The following CCBE1 variants were observed in gnomAD, a reference collection of about 807,000 sequenced individuals.
CCBE1 encodes collagen and calcium-binding EGF domain-containing protein 1.
CCBE1 carries 37 observed loss-of-function variants against 50.0 expected under a neutral mutation model. That is an observed-to-expected ratio of 0.74 (90% confidence interval 0.57 to 0.97). The LOEUF (loss-of-function observed/expected upper bound fraction) is 0.97, where lower values mean the gene tolerates loss of function less well. Among genes scored for constraint, CCBE1 ranks in the 50% least tolerant of loss-of-function variants. The pLI is 0.00. For synonymous variants in CCBE1, 234 were observed against 203.7 expected (o/e 1.15, Z -1.27); for missense variants, 538 against 523.8 (o/e 1.03, Z -0.26).
chr18:59,634,605 A>G lies in CCBE1; in HGVS notation c.212+62024T>C, dbSNP rs151076567. On this transcript the variant is annotated intron_variant, in intron 2 of 10. Transcript: ENST00000439986. ...GAGTTGGTAAAAACAAGAAATAGCA[A>G]AAGAGAGAAATAGCATACCCAAGGA... Among the ~76,000 whole-genome samples the G allele has an allele frequency of 2.9e-3, 438 of 152,368 alleles. 2 individuals carry two copies. The highest frequency in any genetic ancestry group is 1.0e-2 in the African/African-American group (414 of 41,586).
intron 2 of CCBE1, among the ~76,000 whole-genome samples, chr18:59,572,483 T>C (rs1348028968): frequency 6.6e-6 from 1 of 152,240 alleles, no homozygotes; most frequent in African/African-American, 2.4e-5. Context: ...GAGATTGATA[T>C]GATCATGCTT....
chr18:59,547,103 G>A (rs1422785019), intron 2 of CCBE1, among the ~76,000 whole-genome samples: 2 of 147,118 alleles, frequency 1.4e-5, no homozygotes, highest in Non-Finnish European at 3.0e-5. Flanking sequence ...GGGAGGTAGG[G>A]AGAGGGAGGG....
intron 2 of CCBE1, among the ~76,000 whole-genome samples, chr18:59,493,793 C>G (rs1040284463): frequency 6.6e-6 from 1 of 152,160 alleles, no homozygotes; most frequent in African/African-American, 2.4e-5. Context: ...ATTGCATCTC[C>G]CACAATTCCC....
intron 2 of CCBE1, among the ~76,000 whole-genome samples, chr18:59,636,553 CA>C (rs1335453532): frequency 1.3e-5 from 2 of 152,192 alleles, no homozygotes; most frequent in Non-Finnish European, 2.9e-5. Context: ...GTCACAAACA[CA>C]AAGGAAACCT....
chr18:59,610,381 T>A (rs1023209391), intron 2 of CCBE1, among the ~76,000 whole-genome samples: 1 of 152,154 alleles, frequency 6.6e-6, no homozygotes, highest in Non-Finnish European at 1.5e-5. Context: ...CCATTTAACA[T>A]CATTCTAGGC....
chr18:59,494,886 G>A (rs563050423), intron 2 of CCBE1, among the ~76,000 whole-genome samples: 4 of 152,312 alleles, frequency 2.6e-5, no homozygotes, highest in African/African-American at 7.2e-5. Context: ...AGGTGCTGTG[G>A]CTCACGCCTG....
intron 2 of CCBE1, among the ~76,000 whole-genome samples, chr18:59,653,916 AT>A (rs1367007216): frequency 2.0e-5 from 3 of 152,202 alleles, no homozygotes; most frequent in African/African-American, 7.2e-5. Flanking sequence ...ATAAGCAAAA[AT>A]GTTGGATTAA....
At chr18:59,634,486 G>C (rs1420659075) in intron 2 of CCBE1, among the ~76,000 whole-genome samples, 1 of 152,210 alleles carries the variant, frequency 6.6e-6, no homozygotes, top group African/African-American at 2.4e-5. Flanking sequence ...CTGCTCTCAA[G>C]CCAGGGCCTT....
chr18:59,584,710 C>T (rs1217020218), intron 2 of CCBE1, among the ~76,000 whole-genome samples: 1 of 152,090 alleles, frequency 6.6e-6, no homozygotes, highest in East Asian at 1.9e-4. Flanking sequence ...TGCCTGTTCC[C>T]CCTTCACCTT....
chr18:59,627,803 A>C (rs181317523), intron 2 of CCBE1, among the ~76,000 whole-genome samples: 172 of 152,318 alleles, frequency 1.1e-3, no homozygotes, highest in African/African-American at 4.0e-3. Context: ...AACCTTCAGA[A>C]CTATGAGGAT....
chr18:59,507,228 G>C (rs1171494572), intron 2 of CCBE1, among the ~76,000 whole-genome samples: 2 of 152,128 alleles, frequency 1.3e-5, no homozygotes, highest in East Asian at 3.8e-4. Flanking sequence ...CCAGGATTCA[G>C]CCCTCCATTT....
intron 2 of CCBE1, among the ~76,000 whole-genome samples, chr18:59,652,230 AC>A (rs1450954495): frequency 2.0e-5 from 3 of 152,218 alleles, no homozygotes; most frequent in Admixed American, 2.0e-4. Context: ...CATTTCACTT[AC>A]ATACTACACC....
intron 5 of CCBE1, among the ~76,000 whole-genome samples, chr18:59,458,907 C>G (rs1162820290): frequency 6.6e-6 from 1 of 152,190 alleles, no homozygotes; most frequent in East Asian, 1.9e-4. Context: ...AAGTACACAG[C>G]ATGGTAGTAA....
intron 2 of CCBE1, among the ~76,000 whole-genome samples, chr18:59,515,519 A>C (rs1214245522): frequency 6.6e-6 from 1 of 152,210 alleles, no homozygotes; most frequent in Non-Finnish European, 1.5e-5. Flanking sequence ...TGAGACCTGA[A>C]ACGCACGATA....
At chr18:59,480,081 A>C in intron 3 of CCBE1, 105 bp downstream of exon 3, 1 of 806,996 alleles carries the variant, frequency 1.2e-6, no homozygotes. Flanking sequence ...ATACACAGAT[A>C]ATCAGACACA....
chr18:59,445,652 T>C (rs1910636526), intron 7 of CCBE1, among the ~76,000 whole-genome samples: 1 of 152,200 alleles, frequency 6.6e-6, no homozygotes, highest in Admixed American at 6.5e-5. Flanking sequence ...CAAACATGTC[T>C]CACACCCCTA....
intron 2 of CCBE1, among the ~76,000 whole-genome samples, chr18:59,651,618 G>A (rs553899990): frequency 6.6e-6 from 1 of 152,350 alleles, no homozygotes; most frequent in Non-Finnish European, 1.5e-5. Flanking sequence ...GATTGACAGG[G>A]AATGAGTTAA....
At chr18:59,582,178 T>C (rs749980585) in intron 2 of CCBE1, among the ~76,000 whole-genome samples, 1 of 152,176 alleles carries the variant, frequency 6.6e-6, no homozygotes, top group Non-Finnish European at 1.5e-5. Flanking sequence ...TCCTACCCAT[T>C]GTTTAAGGTT....
At chr18:59,552,657 T>C (rs747137126) in intron 2 of CCBE1, among the ~76,000 whole-genome samples, 11 of 152,224 alleles carry the variant, frequency 7.2e-5, no homozygotes, top group Non-Finnish European at 1.3e-4. Context: ...CACTTTACTG[T>C]GGGAAGTAGT....
Sources: allele counts gnomAD v4.1 joint callset (sites outside exome capture counted in the v4.1 genomes callset), GRCh38; gene constraint gnomAD v4.1.1; transcripts MANE v1.5; gene names NCBI Gene and HGNC (gene_info 2026-07-23, HGNC 2026-07-21).